The following ANKRD28 variants were observed in gnomAD, a reference collection of about 807,000 sequenced individuals.
ANKRD28 encodes the protein ankyrin repeat domain 28, also known as serine/threonine-protein phosphatase 6 regulatory ankyrin repeat subunit A.
In ANKRD28, 44 loss-of-function variants were observed where a neutral mutation model predicts 126.5. The observed-to-expected ratio is 0.35, with a 90% confidence interval of 0.27 to 0.45. The LOEUF (loss-of-function observed/expected upper bound fraction) is 0.45. Among genes scored for constraint, ANKRD28 ranks in the 20% least tolerant of loss-of-function variants. The pLI is 1.00. For synonymous variants in ANKRD28, 442 were observed against 468.5 expected (o/e 0.94, Z 0.73); for missense variants, 1,110 against 1,316.6 (o/e 0.84, Z 2.43).
intron 26 of ANKRD28, 62 bp downstream of exon 26, chr3:15,676,912 T>G: frequency 7.2e-7 from 1 of 1,395,238 alleles, no homozygotes; most frequent in Non-Finnish European, 1.0e-6. Flanking sequence ...TTTAAAAAAA[T>G]CCATTTATCA....
intron 2 of ANKRD28, among the ~76,000 whole-genome samples, chr3:15,777,902 A>ACC (rs1553631646): frequency 3.7e-4 from 51 of 136,820 alleles, no homozygotes; most frequent in African/African-American, 5.3e-4. Flanking sequence ...ACACACACAC[A>ACC]CCCTCTCCGC....
intron 21 of ANKRD28, among the ~76,000 whole-genome samples, chr3:15,683,308 G>A (rs567116704): frequency 6.6e-6 from 1 of 151,966 alleles, no homozygotes; most frequent in Non-Finnish European, 1.5e-5. Context: ...TAGATATTTT[G>A]GGTTTTCCTT....
intron 14 of ANKRD28, among the ~76,000 whole-genome samples, chr3:15,698,135 G>T (rs147424575): frequency 1.3e-5 from 2 of 151,586 alleles, no homozygotes; most frequent in South Asian, 4.2e-4. Flanking sequence ...TCTTGCTAGC[G>T]GTCTGTCTGA....
chr3:15,793,656 T>C (rs1349109754), intron 2 of ANKRD28, among the ~76,000 whole-genome samples: 1 of 152,176 alleles, frequency 6.6e-6, no homozygotes, highest in Non-Finnish European at 1.5e-5. Context: ...CCTTAGGAGT[T>C]AAATGGAAAA....
chr3:15,857,983 G>C (rs1254359093), intron 1 of ANKRD28, among the ~76,000 whole-genome samples: 1 of 152,154 alleles, frequency 6.6e-6, no homozygotes, highest in Non-Finnish European at 1.5e-5. Flanking sequence ...TAAGATGCAC[G>C]GACTGTACTG....
intron 1 of ANKRD28, among the ~76,000 whole-genome samples, chr3:15,850,082 C>T (rs902598238): frequency 6.6e-6 from 1 of 151,146 alleles, no homozygotes; most frequent in East Asian, 1.9e-4. Flanking sequence ...AATAAACTCC[C>T]ACATTTAGAG....
At chr3:15,767,756 C>T (rs796634843) in intron 2 of ANKRD28, among the ~76,000 whole-genome samples, 13 of 115,998 alleles carry the variant, frequency 1.1e-4, no homozygotes, top group African/African-American at 4.2e-4. Flanking sequence ...CACGTGGTGG[C>T]GGGTGCCTGT....
rs1002238331 is a variant in ANKRD28 at position 15,669,220 on chromosome 3, T to C, written c.*1050A>G. 1.3e-5 allele frequency: 2 copies of C among 152,202 alleles called. No homozygotes were observed. Among genetic ancestry groups the C allele is most frequent in the African/African-American group, 4.8e-5 (2 of 41,446 alleles). The allele number at this position is 152,202 out of a possible 1,614,324, so 9.4% of individuals were successfully genotyped here. ...TGAACAACAAGGAATTATTTTCCTT[T>C]TGATTATTCACTTTTTCAAAACTCA... is the stretch of plus-strand genomic sequence containing the variant. On this transcript the variant is annotated 3_prime_UTR_variant, in exon 28 of 28. Transcript: ENST00000683139.
intron 6 of ANKRD28, among the ~76,000 whole-genome samples, chr3:15,727,435 C>T (rs563282444): frequency 3.3e-5 from 5 of 151,638 alleles, no homozygotes; most frequent in South Asian, 2.1e-4. Context: ...GGTGTGGTGG[C>T]GGGTGCCTGT....
intron 12 of ANKRD28, 72 bp from the exon 13 acceptor site, chr3:15,709,808 A>G: frequency 1.1e-6 from 1 of 887,668 alleles, no homozygotes; most frequent in Non-Finnish European, 1.7e-6. Flanking sequence ...GGTTTAAAGA[A>G]GCATGAAAGC....
intron 3 of ANKRD28, among the ~76,000 whole-genome samples, chr3:15,757,878 TAA>T (rs900091474): frequency 6.6e-6 from 1 of 152,202 alleles, no homozygotes; most frequent in Non-Finnish European, 1.5e-5. Flanking sequence ...ACCTAATTTG[TAA>T]AGTTTTACTG....
chr3:15,732,636 T>G (rs2074719858), intron 6 of ANKRD28: 1 of 152,184 alleles, frequency 6.6e-6, no homozygotes, highest in African/African-American at 2.4e-5. Flanking sequence ...ATGCCACAGT[T>G]AACAACCCTA....
rs2074948574 is a variant in ANKRD28 at position 15,735,396 on chromosome 3, T to TA, written c.640+13dup. The TA allele has an allele frequency of 1.3e-6, 2 of 1,521,782 alleles. No homozygotes were observed. 94.3% of individuals were successfully genotyped at this position (1,521,782 alleles called of 1,614,324 possible). ...AATATATAATATCAAAAACTAAATT[T>TA]AAAAAGTACATACCCATATATGCTG... On this transcript the variant is annotated intron_variant, in intron 6 of 27. Transcript: ENST00000683139.
At chr3:15,836,269 A>C (rs1357501732) in intron 1 of ANKRD28, among the ~76,000 whole-genome samples, 1 of 152,162 alleles carries the variant, frequency 6.6e-6, no homozygotes, top group African/African-American at 2.4e-5. Context: ...TGACAACAGT[A>C]AAAGAGACGA....
chr3:15,758,004 G>A (rs535616972), intron 3 of ANKRD28, among the ~76,000 whole-genome samples: 1 of 152,276 alleles, frequency 6.6e-6, no homozygotes, highest in South Asian at 2.1e-4. Context: ...CCTGTAACTA[G>A]TATCTGGCCC....
At chr3:15,719,550 A>T (rs148869326) in intron 8 of ANKRD28, among the ~76,000 whole-genome samples, 1 of 152,270 alleles carries the variant, frequency 6.6e-6, no homozygotes, top group African/African-American at 2.4e-5. Flanking sequence ...TTATATAGTG[A>T]AAGCATATTT....
intron 3 of ANKRD28, among the ~76,000 whole-genome samples, chr3:15,765,163 C>G (rs2058681084): frequency 6.6e-6 from 1 of 152,138 alleles, no homozygotes; most frequent in African/African-American, 2.4e-5. Flanking sequence ...TTACAATCAT[C>G]TGGCTATAAC....
At chr3:15,787,088 T>C (rs1192652108) in intron 2 of ANKRD28, among the ~76,000 whole-genome samples, 5 of 152,110 alleles carry the variant, frequency 3.3e-5, no homozygotes, top group Admixed American at 3.3e-4. Flanking sequence ...AAATAAATTA[T>C]GCTATGAAAT....
At position 15,814,116 on chromosome 3, in the gene ANKRD28, T is replaced by G. The variant is rs917847618; in HGVS notation, c.28-18810A>C. The G allele has an allele frequency of 1.9e-5, 6 of 312,988 alleles. No homozygotes were observed. The highest frequency in any genetic ancestry group is 2.5e-5 in the Non-Finnish European group (5 of 201,202). The allele number at this position is 312,988 out of a possible 1,614,324, so 19.4% of individuals were successfully genotyped here. On this transcript the variant is annotated intron_variant, in intron 1 of 27. Transcript: ENST00000399451. This position sits in a 1 kb window ranked among gnomAD's most constrained non-coding sequence, Gnocchi z 4.7. ...CAATAAAGGACTTTTTGGCTGACACTAACTATTTACTCACATACAGTTATG... is the reference window on the plus strand; with the variant it reads ...CAATAAAGGACTTTTTGGCTGACACGAACTATTTACTCACATACAGTTATG...
Sources: gnomAD v4.1 joint callset for allele counts (sites outside exome capture counted in the v4.1 genomes callset) on GRCh38, gnomAD v4.1.1 for gene constraint, Gnocchi (gnomAD v3.1) non-coding constraint, MANE v1.5 for transcripts, NCBI Gene and HGNC (gene_info 2026-07-23, HGNC 2026-07-21) for gene names.